SMIM36: variants seen among roughly 807,000 people sequenced by gnomAD.
The protein encoded by SMIM36 is small integral membrane protein 36.
At chr17:55,523,341 C>G in the SMIM36 span, among the ~76,000 whole-genome samples, 1 of 151,954 alleles carries the variant, frequency 6.6e-6, no homozygotes, top group Non-Finnish European at 1.5e-5. Flanking sequence ...ACCTTCCTGG[C>G]CAACATGGTG....
chr17:55,479,946 A>G (rs980850264), intron 1 of SMIM36, among the ~76,000 whole-genome samples: 3 of 152,176 alleles, frequency 2.0e-5, no homozygotes, highest in African/African-American at 7.2e-5. Context: ...TTTGCTGTGA[A>G]CATTACTTTT....
intron 3 of SMIM36, among the ~76,000 whole-genome samples, chr17:55,471,670 C>T (rs561564793): frequency 1.3e-5 from 2 of 152,204 alleles, no homozygotes; most frequent in Non-Finnish European, 2.9e-5. Context: ...CTTCCTTTCA[C>T]TCTTTCGAAA....
At chr17:55,480,462 C>A (rs1020786277) in intron 1 of SMIM36, among the ~76,000 whole-genome samples, 1 of 152,112 alleles carries the variant, frequency 6.6e-6, no homozygotes, top group Non-Finnish European at 1.5e-5. Context: ...GCTAAAGAGA[C>A]TCTAGATAAT....
At chr17:55,452,712 T>C (rs1908942328) in intron 4 of SMIM36, among the ~76,000 whole-genome samples, 1 of 152,216 alleles carries the variant, frequency 6.6e-6, no homozygotes, top group Admixed American at 6.5e-5. Flanking sequence ...GAGTGACCTA[T>C]AAATGTTTGA....
intron 1 of SMIM36, among the ~76,000 whole-genome samples, chr17:55,508,498 C>T (rs1391876478): frequency 7.3e-6 from 1 of 136,702 alleles, no homozygotes; most frequent in Non-Finnish European, 1.5e-5. Context: ...ATGTGAGCTT[C>T]ATCTGAACTA....
chr17:55,473,835 C>CTT (rs1909382182), intron 3 of SMIM36, among the ~76,000 whole-genome samples: 2 of 152,232 alleles, frequency 1.3e-5, no homozygotes, highest in Non-Finnish European at 2.9e-5. Context: ...CCAATTTCTG[C>CTT]CTCCAAAGAA....
intron 1 of SMIM36, among the ~76,000 whole-genome samples, chr17:55,484,861 T>C (rs775498489): frequency 5.7e-4 from 87 of 152,314 alleles, no homozygotes; most frequent in African/African-American, 2.0e-3. Context: ...AAGAAGTCAA[T>C]GGCATGAGGC....
intron 1 of SMIM36, among the ~76,000 whole-genome samples, chr17:55,495,878 A>G (rs1419804152): frequency 6.6e-6 from 1 of 152,222 alleles, no homozygotes; most frequent in East Asian, 1.9e-4. Flanking sequence ...GATGTAGATT[A>G]AATACAGAGA....
In SMIM36 at chr17:55,454,908, A is replaced by G. The variant is rs76799970; in HGVS notation, c.*532-4610T>C. On this transcript the variant is annotated intron_variant, in intron 4 of 4. Transcript: ENST00000636752. ...TTTTTTTTCATCGTGAAGAGATACC[A>G]TAATTTAATGTATTCCCTATGTGTG... is the stretch of plus-strand genomic sequence containing the variant. 4.1e-3 allele frequency among the ~76,000 whole-genome samples: 622 copies of G among 152,322 alleles called. 31 individuals are homozygous for G. In the East Asian group the frequency reaches 0.088, roughly 22 times the overall value.
At chr17:55,450,212 G>A (rs948754473) in exon 5 of SMIM36, 1 of 152,136 alleles carries the variant, frequency 6.6e-6, no homozygotes, top group South Asian at 2.1e-4. Flanking sequence ...ACCACCAAAA[G>A]GTAGAAGAGG....
At chr17:55,467,273 G>A (rs757262735) in exon 4 of SMIM36, 1 of 152,140 alleles carries the variant, frequency 6.6e-6, no homozygotes, top group Non-Finnish European at 1.5e-5. Flanking sequence ...AGATTCAAAA[G>A]CTTCTTTTTA....
chr17:55,523,756 T>C, the SMIM36 span, among the ~76,000 whole-genome samples: 1 of 152,174 alleles, frequency 6.6e-6, no homozygotes, highest in Non-Finnish European at 1.5e-5. Flanking sequence ...CAGGGAAAAG[T>C]AATATTTTGA....
upstream of SMIM36, among the ~76,000 whole-genome samples, chr17:55,514,044 T>C (rs372086166): frequency 3.9e-5 from 6 of 152,342 alleles, no homozygotes; most frequent in South Asian, 1.2e-3. Context: ...AAGTCCAGTC[T>C]CATGAAGGCT....
intron 3 of SMIM36, chr17:55,477,129 A>C (rs1465096352): frequency 1.3e-5 from 2 of 152,200 alleles, no homozygotes; most frequent in Non-Finnish European, 2.9e-5. Flanking sequence ...GCAGTGAGCT[A>C]TGATTATACC....
intron 4 of SMIM36, among the ~76,000 whole-genome samples, chr17:55,460,460 AAG>A (rs1909126598): frequency 6.6e-6 from 1 of 151,468 alleles, no homozygotes; most frequent in African/African-American, 2.4e-5. Flanking sequence ...AACAAAAAAA[AAG>A]AACAACAACA....
At chr17:55,477,530 TTGATTACCTC>T (rs542059750) in intron 3 of SMIM36, among the ~76,000 whole-genome samples, 1 of 152,176 alleles carries the variant, frequency 6.6e-6, no homozygotes, top group Non-Finnish European at 1.5e-5. Context: ...CTATTTTAAC[TTGATTACCTC>T]TGTAGAGATC....
At chr17:55,478,918 A>G (rs925334596) in intron 2 of SMIM36, 105 bp from the exon 3 acceptor site, 15 of 152,166 alleles carry the variant, frequency 9.9e-5, no homozygotes, top group African/African-American at 2.9e-4. Context: ...GGGAAAGGAG[A>G]ATGCAACCCC....
chr17:55,486,124 TC>T (rs1282964867), intron 1 of SMIM36, among the ~76,000 whole-genome samples: 2 of 150,028 alleles, frequency 1.3e-5, no homozygotes, highest in African/African-American at 4.9e-5. Flanking sequence ...CAACCTCGCC[TC>T]CCGGGTTCAA....
At chr17:55,466,769 C>T (rs74761377) in intron 4 of SMIM36, among the ~76,000 whole-genome samples, 5,328 of 152,260 alleles carry the variant, frequency 0.035, 274 homozygotes, top group African/African-American at 0.11. Flanking sequence ...AGAAAAGCCA[C>T]AGTTCATGGA....
Sources: gnomAD v4.1 joint callset for allele counts (sites outside exome capture counted in the v4.1 genomes callset) on GRCh38, gnomAD v4.1.1 for gene constraint, MANE v1.5 for transcripts, NCBI Gene and HGNC (gene_info 2026-07-23, HGNC 2026-07-21) for gene names.